HECW2: variants seen among roughly 807,000 people sequenced by gnomAD.
HECW2 encodes E3 ubiquitin-protein ligase HECW2.
Under a neutral mutation model 175.2 loss-of-function variants are expected in HECW2, and 61 were observed. The observed-to-expected ratio is 0.35, with a 90% CI of 0.28 to 0.43. The LOEUF (loss-of-function observed/expected upper bound fraction) is 0.43, where lower values mean the gene tolerates loss of function less well. HECW2 is among the 20% of genes least tolerant of loss of function. The pLI is 1.00. For synonymous variants in HECW2, 671 were observed against 731.0 expected, an observed-to-expected ratio of 0.92 and a Z score of 1.32; for missense variants, 1,524 against 2,000.5, an observed-to-expected ratio of 0.76 and a Z score of 4.54.
intron 1 of HECW2, among the ~76,000 whole-genome samples, chr2:196,483,311 T>C (rs1004935624): frequency 6.6e-6 from 1 of 152,122 alleles, no homozygotes; most frequent in African/African-American, 2.4e-5. Flanking sequence ...AAGCTCCATG[T>C]TACAAAAATC....
chr2:196,592,885 C>A (rs1173971184), intron 1 of HECW2: 3 of 150,212 alleles, frequency 2.0e-5, no homozygotes, highest in Non-Finnish European at 4.5e-5. Flanking sequence ...CCGGTCCGTG[C>A]GCGCCGAGGA....
rs114487072 is a variant in HECW2, at chr2:196,196,523, C to T, written c.*4754G>A. ...GAAAGCAGACAAAACAGAGCAAGGC[C>T]CAGAGGCTCACGTCTGTAATCCCAG... On this transcript the variant is annotated 3_prime_UTR_variant, in exon 29 of 29. Transcript: ENST00000644978. 4,403 of 152,388 alleles carry T rather than the reference C, an allele frequency of 0.029. 278 individuals carry two copies. The highest frequency in any genetic ancestry group is 0.27 in the East Asian group (1,414 of 5,196). 9.4% of individuals were successfully genotyped at this position (152,388 alleles called of 1,614,324 possible). A position where few individuals can be genotyped will look rare whatever the true frequency, so the allele number is the denominator to read the frequency against.
intron 25 of HECW2, among the ~76,000 whole-genome samples, chr2:196,220,503 A>T (rs1458176635): frequency 6.6e-6 from 1 of 152,240 alleles, no homozygotes; most frequent in Non-Finnish European, 1.5e-5. Context: ...ATGAGATTTG[A>T]TTACCCATAT....
At chr2:196,241,304 G>A (rs1378371861) in intron 20 of HECW2, among the ~76,000 whole-genome samples, 1 of 152,218 alleles carries the variant, frequency 6.6e-6, no homozygotes, top group Non-Finnish European at 1.5e-5. Flanking sequence ...GAGAAGTATG[G>A]TGTTTGGGCA....
chr2:196,423,886 T>C (rs1486791837), intron 2 of HECW2, among the ~76,000 whole-genome samples: 3 of 152,190 alleles, frequency 2.0e-5, no homozygotes, highest in South Asian at 4.1e-4. Flanking sequence ...CTGGGTCATA[T>C]AGTATTTATA....
intron 1 of HECW2, among the ~76,000 whole-genome samples, chr2:196,526,327 A>G (rs1179102094): frequency 2.2e-5 from 3 of 134,596 alleles, no homozygotes; most frequent in Admixed American, 7.6e-5. Context: ...TTTCAGCTCC[A>G]TCAGCTCCTT....
intron 6 of HECW2, among the ~76,000 whole-genome samples, chr2:196,323,906 TTG>T (rs149018462): frequency 8.2e-4 from 85 of 104,188 alleles, no homozygotes; most frequent in African/African-American, 3.9e-3. Flanking sequence ...AGAGTTTTTT[TTG>T]TTTTTTGTTT....
intron 2 of HECW2, among the ~76,000 whole-genome samples, chr2:196,407,435 T>C (rs1358506): frequency 0.63 from 95,370 of 151,926 alleles, 32,787 homozygotes; most frequent in East Asian, 0.94. Context: ...CTCCTGAACT[T>C]ACACGATCTG....
At chr2:196,340,953 T>C (rs1310431140) in intron 3 of HECW2, among the ~76,000 whole-genome samples, 1 of 152,196 alleles carries the variant, frequency 6.6e-6, no homozygotes, top group Non-Finnish European at 1.5e-5. Context: ...ACCCTTCTCT[T>C]TTCTTCATTC....
chr2:196,274,152 G>T (rs1320579079), intron 15 of HECW2, 29 bp from the exon 16 acceptor site: 3 of 1,536,290 alleles, frequency 2.0e-6, no homozygotes, highest in Non-Finnish European at 2.7e-6. Flanking sequence ...TTTATGTTCT[G>T]CACCAAGAGC....
intron 2 of HECW2, among the ~76,000 whole-genome samples, chr2:196,396,852 C>T (rs532880269): frequency 1.3e-5 from 2 of 152,020 alleles, no homozygotes; most frequent in East Asian, 1.9e-4. Context: ...TGTCTCACAC[C>T]TGTAATCCCA....
At chr2:196,273,049 ATTTTTTT>A (rs778348590) in intron 16 of HECW2, among the ~76,000 whole-genome samples, 27 of 113,096 alleles carry the variant, frequency 2.4e-4, no homozygotes, top group Admixed American at 7.5e-4. Flanking sequence ...AGCTGGTCTA[ATTTTTTT>A]TTTTTTTTTT....
At chr2:196,581,220 T>C (rs1394474520) in intron 1 of HECW2, among the ~76,000 whole-genome samples, 2 of 152,192 alleles carry the variant, frequency 1.3e-5, no homozygotes, top group Non-Finnish European at 2.9e-5. Flanking sequence ...GATGGTTGCA[T>C]ACTGTTGTGA....
intron 2 of HECW2, among the ~76,000 whole-genome samples, chr2:196,381,731 A>G (rs1321145533): frequency 6.6e-6 from 1 of 152,156 alleles, no homozygotes; most frequent in Non-Finnish European, 1.5e-5. Flanking sequence ...CTAGAAGTCT[A>G]GTGTGATATA....
intron 2 of HECW2, among the ~76,000 whole-genome samples, chr2:196,381,828 T>G (rs894962354): frequency 6.6e-6 from 1 of 152,140 alleles, no homozygotes; most frequent in Non-Finnish European, 1.5e-5. Context: ...TAGTTTAAAC[T>G]GAAATAAAAT....
intron 7 of HECW2, 148 bp from the exon 8 acceptor site, chr2:196,320,587 C>A: frequency 1.9e-6 from 1 of 530,818 alleles, no homozygotes; most frequent in Non-Finnish European, 3.5e-6. Context: ...CATTATAGTC[C>A]AATGTAATAT....
intron 28 of HECW2, among the ~76,000 whole-genome samples, chr2:196,212,830 C>T (rs1018000177): frequency 2.0e-5 from 3 of 152,152 alleles, no homozygotes; most frequent in African/African-American, 7.2e-5. Context: ...TAAGCATTCC[C>T]TTTTCTCTGC....
At chr2:196,573,194 C>T (rs911468142) in intron 1 of HECW2, among the ~76,000 whole-genome samples, 3 of 148,350 alleles carry the variant, frequency 2.0e-5, no homozygotes, top group South Asian at 2.2e-4. Context: ...TCAGAATGAC[C>T]GAATAAAGAC....
In HECW2 at chr2:196,319,295, T is replaced by C. The variant is rs1691843040; in HGVS notation, c.1595A>G (p.Asn532Ser). ...EAASFEDKPE[N>S]LPELAESSLP... ...GGAGCTCTCTGCAAGCTCTGGAAGATTTTCTGGCTTATCCTCAAAGGAAGC... is the reference window on the plus strand; with the variant it reads ...GGAGCTCTCTGCAAGCTCTGGAAGACTTTCTGGCTTATCCTCAAAGGAAGC... The change falls in exon 9 of 29, where the codon AAT becomes AGT. Residue 532 changes from asparagine (N) to serine (S), a missense_variant. By Grantham distance (46) the Asn-to-Ser change is conservative. Transcript: ENST00000644978. The C allele has an allele frequency of 6.2e-7, 1 of 1,612,356 alleles. No individual in the cohort carries two copies. The highest frequency in any genetic ancestry group is 1.1e-5 in the South Asian group (1 of 90,582).
Sources: gnomAD v4.1 joint callset for allele counts (sites outside exome capture counted in the v4.1 genomes callset) on GRCh38, gnomAD v4.1.1 for gene constraint, MANE v1.5 for transcripts, NCBI Gene and HGNC (gene_info 2026-07-23, HGNC 2026-07-21) for gene names.